The following FLRT1 variants were observed in gnomAD, a reference collection of about 807,000 sequenced individuals.
FLRT1 encodes leucine-rich repeat transmembrane protein FLRT1.
A neutral mutation model predicts 30.9 loss-of-function variants in FLRT1; 14 were observed. The ratio of observed to expected loss-of-function variants is 0.45; its 90% CI spans 0.30 to 0.71. The LOEUF is 0.71. Among genes scored for constraint, FLRT1 ranks in the 30% least tolerant of loss-of-function variants. The pLI, the probability that FLRT1 is intolerant of heterozygous loss-of-function variation, is 0.08. For missense variants in FLRT1, 737 were observed against 949.2 expected, an observed-to-expected ratio of 0.78 and a Z score of 2.94; for synonymous variants, 368 against 430.4, an observed-to-expected ratio of 0.85 and a Z score of 1.80.
At chr11:64,062,395 T>C (rs1943921535) in intron 1 of FLRT1, among the ~76,000 whole-genome samples, 1 of 152,170 alleles carries the variant, frequency 6.6e-6, no homozygotes, top group South Asian at 2.1e-4. Context: ...GGAGGTCTTA[T>C]GTCTGCCTAG....
At position 64,116,893 on chromosome 11, in the gene FLRT1, G is replaced by A. The variant is rs762003363; in HGVS notation, c.626G>A (p.Arg209His). Residue 209 changes from arginine to histidine, a missense_variant, in exon 3 of 3, where the codon CGC becomes CAC. Physicochemically the swap from Arg to His is conservative, Grantham distance 29. Transcript: ENST00000682287. ...GAGGAGCTGCGGCTGGATGACAACC[G>A]CATCTCCACCATCCCGCTGCATGCC... The part of the protein sequence containing the change: ...TLEELRLDDN[R>H]ISTIPLHAFK... The A allele has an allele frequency of 1.2e-6, 2 of 1,611,340 alleles. No homozygotes were observed. The highest frequency in any genetic ancestry group is 1.1e-5 in the South Asian group (1 of 91,062).
At chr11:64,054,153 C>T (rs1943742519) in intron 1 of FLRT1, among the ~76,000 whole-genome samples, 2 of 152,168 alleles carry the variant, frequency 1.3e-5, no homozygotes, top group Non-Finnish European at 2.9e-5. Flanking sequence ...CCACGGCTAG[C>T]CAGGGTCAGG....
At chr11:64,114,052 A>G in intron 2 of FLRT1, among the ~76,000 whole-genome samples, 1 of 130,984 alleles carries the variant, frequency 7.6e-6, no homozygotes, top group Admixed American at 7.1e-5. Flanking sequence ...GCATGGGTTG[A>G]TGCATGGATG....
chr11:64,111,803 C>T (rs771403467), intron 2 of FLRT1, among the ~76,000 whole-genome samples: 7 of 152,176 alleles, frequency 4.6e-5, no homozygotes, highest in Non-Finnish European at 8.8e-5. Context: ...TCCCAGTCCC[C>T]AATGTAATGA....
rs202104543 is a variant in FLRT1, at chr11:64,117,307, C to A, written c.1040C>A (p.Ala347Glu). Residue 347 changes from alanine to glutamate, a missense_variant, in exon 3 of 3, where the codon GCG becomes GAG. Physicochemically the swap from Ala to Glu is moderately radical, Grantham distance 107 (BLOSUM62 -1). Coordinates refer to ENST00000682287, the MANE Select transcript of FLRT1 (RefSeq NM_013280.5). ...MWLRDWVKAR[A>E]AVVNVRGLMC... The stretch of plus-strand genomic sequence containing the variant: ...CTGCGGGACTGGGTGAAGGCACGGG[C>A]GGCCGTGGTCAACGTGCGGGGCCTC... The A allele has an allele frequency of 3.1e-6, 5 of 1,614,112 alleles. No homozygotes were observed. The highest frequency in any genetic ancestry group is 4.5e-5 in the East Asian group (2 of 44,878).
intron 1 of FLRT1, among the ~76,000 whole-genome samples, chr11:64,059,333 G>A (rs777058430): frequency 1.1e-4 from 16 of 152,184 alleles, no homozygotes; most frequent in Admixed American, 2.6e-4. Flanking sequence ...TGTAGCCACC[G>A]ACATGGGAGG....
chr11:64,042,557 AC>A (rs1183599614), intron 1 of FLRT1, among the ~76,000 whole-genome samples: 1 of 151,586 alleles, frequency 6.6e-6, no homozygotes, highest in Non-Finnish European at 1.5e-5. Context: ...GGGTAGGGCC[AC>A]CCCCTTGGCT....
chr11:64,084,416 G>T (rs117569191), intron 1 of FLRT1, among the ~76,000 whole-genome samples: 104 of 152,186 alleles, frequency 6.8e-4, no homozygotes, highest in Middle Eastern at 6.8e-3. Flanking sequence ...TACCTTTCCC[G>T]CGAAGCCCCC....
Position 64,117,425 on chromosome 11 carries a change from C to T in FLRT1, c.1158C>T (p.Gly386=), listed in dbSNP as rs143408791. ...GTTTTGAGACGGGGCCGCAGGGCGG[C>T]GTGGCCAATGCGGCTGCCAAGACCA... is the stretch of plus-strand genomic sequence containing the variant. ...DECFETGPQG[G]VANAAAKTTA... The change falls in exon 3 of 3, where the codon GGC becomes GGT. Residue 386 remains glycine, a synonymous_variant. Transcript: ENST00000682287. 1.6e-5 allele frequency: 25 copies of T among 1,612,424 alleles called. No individual in the cohort carries two copies. Among genetic ancestry groups the T allele is most frequent in the East Asian group, 6.7e-5 (3 of 44,848 alleles).
At chr11:64,045,427 G>T (rs1428452719) in intron 1 of FLRT1, among the ~76,000 whole-genome samples, 3 of 152,212 alleles carry the variant, frequency 2.0e-5, no homozygotes, top group Non-Finnish European at 4.4e-5. Context: ...GGTGAAGAGC[G>T]CAGGAGAGAG....
At position 64,117,017 on chromosome 11, in the gene FLRT1, C is replaced by A. The variant is rs1451115814; in HGVS notation, c.750C>A (p.Leu250=). The change falls in exon 3 of 3, where the codon CTC becomes CTA. Residue 250 remains leucine, a synonymous_variant. Coordinates refer to ENST00000682287, the MANE Select transcript of FLRT1 (RefSeq NM_013280.5). ...ACACCTTCAGCCGCCTACAGAACCT[C>A]ACAGAGCTCTCGCTGGTGCGCAATT... ...ADDTFSRLQN[L]TELSLVRNSL... is the part of the protein sequence containing the mutation. The A allele has an allele frequency of 6.2e-7, 1 of 1,612,618 alleles. No homozygotes were observed. The highest frequency in any genetic ancestry group is 1.7e-5 in the Admixed American group (1 of 59,890).
At chr11:64,062,826 CA>C (rs1156995437) in intron 1 of FLRT1, among the ~76,000 whole-genome samples, 1 of 152,184 alleles carries the variant, frequency 6.6e-6, no homozygotes, top group Non-Finnish European at 1.5e-5. Flanking sequence ...GCTCACACAG[CA>C]GGGGCAGAAC....
chr11:64,040,872 C>A (rs2134386350), intron 1 of FLRT1, among the ~76,000 whole-genome samples: 1 of 152,164 alleles, frequency 6.6e-6, no homozygotes, highest in African/African-American at 2.4e-5. Context: ...GACACTGCCT[C>A]CCAGGCAGAC....
chr11:64,092,333 C>T (rs1289749879), intron 1 of FLRT1, among the ~76,000 whole-genome samples: 1 of 152,202 alleles, frequency 6.6e-6, no homozygotes, highest in African/African-American at 2.4e-5. Context: ...AATGTCAAGG[C>T]CAGAGACACA....
Position 64,075,905 on chromosome 11 carries a change from C to A in FLRT1, c.-1037-27289C>A, listed in dbSNP as rs901841782. Among the ~76,000 whole-genome samples, 3 of 152,320 alleles carry A rather than the reference C, an allele frequency of 2.0e-5. No homozygotes were observed. In the East Asian group the frequency reaches 5.8e-4, roughly 29 times the overall value. On this transcript the variant is annotated intron_variant, in intron 1 of 2. Coordinates refer to ENST00000682287, the MANE Select transcript of FLRT1 (RefSeq NM_013280.5). ...GTCAGGCTGGTCTCAAACTCCTGAC[C>A]TCAAGTGATCCACCCGCCTCGGCTT...
At chr11:64,104,784 G>C (rs1944729925) in intron 2 of FLRT1, among the ~76,000 whole-genome samples, 1 of 152,204 alleles carries the variant, frequency 6.6e-6, no homozygotes, top group Non-Finnish European at 1.5e-5. Flanking sequence ...AGCAAGCTGA[G>C]GCCCAGAGAA....
intron 1 of FLRT1, among the ~76,000 whole-genome samples, chr11:64,079,521 C>G (rs1944266767): frequency 6.6e-6 from 1 of 152,130 alleles, no homozygotes; most frequent in Admixed American, 6.5e-5. Context: ...CAGTCACCAG[C>G]AAATGCAAAG....
chr11:64,080,414 G>GT (rs965785849), intron 1 of FLRT1, among the ~76,000 whole-genome samples: 5 of 152,066 alleles, frequency 3.3e-5, no homozygotes, highest in African/African-American at 9.7e-5. Flanking sequence ...AATTCAGCGG[G>GT]TTTTTTTGTG....
intron 2 of FLRT1, among the ~76,000 whole-genome samples, chr11:64,110,655 C>T (rs1284094029): frequency 6.6e-6 from 1 of 152,056 alleles, no homozygotes; most frequent in Admixed American, 6.5e-5. Flanking sequence ...CCTTCGCCCA[C>T]CCCCGTGGCC....
Sources: gnomAD v4.1 joint callset for allele counts (sites outside exome capture counted in the v4.1 genomes callset) on GRCh38, gnomAD v4.1.1 for gene constraint, MANE v1.5 for transcripts, NCBI Gene and HGNC (gene_info 2026-07-23, HGNC 2026-07-21) for gene names.